Variants in EML6 observed in about 807,000 individuals in gnomAD.
EML6 encodes echinoderm microtubule-associated protein-like 6.
A neutral mutation model predicts 240.1 loss-of-function variants in EML6; 154 were observed. That is an observed-to-expected ratio of 0.64 (90% CI 0.56 to 0.73). The LOEUF is 0.73. Among genes scored for constraint, EML6 ranks in the 30% least tolerant of loss-of-function variants. EML6 has a pLI of 0.00. For synonymous variants in EML6, 1,148 were observed against 899.0 expected, an observed-to-expected ratio of 1.28 and a Z score of -4.95; for missense variants, 2,964 against 2,474.6, an observed-to-expected ratio of 1.20 and a Z score of -4.20.
chr2:54,932,404 GGGCTA>G (rs1674910266), intron 28 of EML6, among the ~76,000 whole-genome samples: 1 of 152,142 alleles, frequency 6.6e-6, no homozygotes, highest in Admixed American at 6.5e-5. Context: ...TGGGCACTCA[GGGCTA>G]CCCCACGCTG....
At chr2:54,784,145 T>C (rs1043551548) in intron 2 of EML6, among the ~76,000 whole-genome samples, 2 of 152,024 alleles carry the variant, frequency 1.3e-5, no homozygotes, top group Non-Finnish European at 2.9e-5. Flanking sequence ...GGGATCTTGC[T>C]ATGTTGCCCA....
At chr2:54,772,428 G>A (rs147608284) in intron 2 of EML6, among the ~76,000 whole-genome samples, 7 of 152,228 alleles carry the variant, frequency 4.6e-5, no homozygotes, top group African/African-American at 7.2e-5. Context: ...CATATGGAAC[G>A]GTGAAAATTA....
chr2:54,893,936 C>T (rs1388889866), intron 19 of EML6, among the ~76,000 whole-genome samples: 1 of 151,988 alleles, frequency 6.6e-6, no homozygotes, highest in Non-Finnish European at 1.5e-5. Context: ...TCTGTAGGCC[C>T]AGAAGTAGAT....
At chr2:54,889,597 G>A (rs1293860705) in intron 17 of EML6, among the ~76,000 whole-genome samples, 2 of 151,580 alleles carry the variant, frequency 1.3e-5, no homozygotes, top group Non-Finnish European at 2.9e-5. Context: ...ACCAGTCACT[G>A]TATATACAAA....
intron 18 of EML6, among the ~76,000 whole-genome samples, chr2:54,891,623 C>T (rs1027028011): frequency 1.3e-5 from 2 of 152,148 alleles, no homozygotes; most frequent in African/African-American, 4.8e-5. Flanking sequence ...AGTAAATAAG[C>T]ATGAGAAAAC....
intron 24 of EML6, among the ~76,000 whole-genome samples, chr2:54,907,882 TTAGATAGATTAGATAGATTAGATAGA>T (rs1673403135): frequency 6.7e-6 from 1 of 149,166 alleles, no homozygotes; most frequent in African/African-American, 2.5e-5. Flanking sequence ...GACAGATAGA[TTAGATAGATTAGATAGATTAGATAGA>T]TAGATAGATA....
chr2:54,879,208 T>G (rs1003235142), intron 16 of EML6, among the ~76,000 whole-genome samples: 1 of 152,224 alleles, frequency 6.6e-6, no homozygotes, highest in Non-Finnish European at 1.5e-5. Context: ...AGAGTCTCCC[T>G]CTAGCTCTGT....
chr2:54,726,405 T>C (rs926532802), intron 2 of EML6, among the ~76,000 whole-genome samples: 1 of 151,304 alleles, frequency 6.6e-6, no homozygotes, highest in Non-Finnish European at 1.5e-5. Context: ...AAAGATCAGC[T>C]TTTTTTTCCC....
chr2:54,823,878 T>TCTCTGTCTCTCTCTC (rs60937620), intron 5 of EML6, among the ~76,000 whole-genome samples: 1 of 129,124 alleles, frequency 7.7e-6, no homozygotes, highest in Non-Finnish European at 1.6e-5. Flanking sequence ...CTCTCTCTCT[T>TCTCTGTCTCTCTCTC]TCTGTCTCTC....
intron 3 of EML6, among the ~76,000 whole-genome samples, 171 bp downstream of exon 3, chr2:54,813,562 C>T (rs998919279): frequency 6.6e-6 from 1 of 152,190 alleles, no homozygotes; most frequent in Non-Finnish European, 1.5e-5. Flanking sequence ...GCACTAACAC[C>T]AAACTCTGGA....
At chr2:54,831,553 C>T (rs1312296206) in intron 7 of EML6, among the ~76,000 whole-genome samples, 2 of 152,124 alleles carry the variant, frequency 1.3e-5, no homozygotes, top group Non-Finnish European at 2.9e-5. Flanking sequence ...CCCATCCTTA[C>T]CAAGATCAAA....
At chr2:54,791,887 A>G (rs1291249192) in intron 2 of EML6, among the ~76,000 whole-genome samples, 1 of 152,056 alleles carries the variant, frequency 6.6e-6, no homozygotes, top group African/African-American at 2.4e-5. Flanking sequence ...GTGGGATGAG[A>G]TTTTACTTGA....
At chr2:54,727,522 T>C (rs1237647565) in intron 2 of EML6, among the ~76,000 whole-genome samples, 2 of 152,212 alleles carry the variant, frequency 1.3e-5, no homozygotes, top group Non-Finnish European at 2.9e-5. Context: ...CAATGCACAA[T>C]TTTTTGTCCT....
At chr2:54,814,880 T>A (rs1437682382) in intron 3 of EML6, among the ~76,000 whole-genome samples, 1 of 152,266 alleles carries the variant, frequency 6.6e-6, no homozygotes, top group African/African-American at 2.4e-5. Flanking sequence ...TTAGTCAGTT[T>A]AATGCATGCA....
intron 24 of EML6, among the ~76,000 whole-genome samples, chr2:54,910,015 AAAC>A (rs1387926575): frequency 3.3e-5 from 5 of 152,230 alleles, no homozygotes; most frequent in Non-Finnish European, 7.4e-5. Flanking sequence ...TTATGGGAAA[AAAC>A]AAAAGGAGAA....
At chr2:54,823,300 C>T (rs1012765657) in intron 5 of EML6, among the ~76,000 whole-genome samples, 7 of 151,970 alleles carry the variant, frequency 4.6e-5, no homozygotes, top group Admixed American at 6.6e-5. Context: ...TAGGAAGGGT[C>T]GGGAGGCAGA....
At chr2:54,844,977 A>T (rs1462322236) in intron 8 of EML6, among the ~76,000 whole-genome samples, 1 of 152,222 alleles carries the variant, frequency 6.6e-6, no homozygotes, top group East Asian at 1.9e-4. Flanking sequence ...CTCAATGACA[A>T]ACAGGCCAGA....
intron 6 of EML6, among the ~76,000 whole-genome samples, chr2:54,828,283 T>C (rs1374055602): frequency 6.6e-6 from 1 of 152,202 alleles, no homozygotes; most frequent in Non-Finnish European, 1.5e-5. Flanking sequence ...CAGAAACCAT[T>C]GATAACTACA....
Position 54,962,775 on chromosome 2 carries a change from C to T in EML6, c.5157+64C>T, listed in dbSNP as rs532217919. 62 of 1,326,998 alleles carry T rather than the reference C, an allele frequency of 4.7e-5. 1 individual carries two copies. The Admixed American group carries it at 1.1e-3, about 23-fold the overall frequency. 82.2% of individuals were successfully genotyped at this position (1,326,998 alleles called of 1,614,324 possible). A position where few individuals can be genotyped will look rare whatever the true frequency, so the allele number is the denominator to read the frequency against. ...GGGCTGCGCGGCAGTGGGAGCTGAG[C>T]GAGGAGAGGCCCAGCCAGCGTCATG... On this transcript the variant is annotated intron_variant, in intron 36 of 41. Transcript: ENST00000356458.
Sources: allele counts gnomAD v4.1 joint callset (sites outside exome capture counted in the v4.1 genomes callset), GRCh38; gene constraint gnomAD v4.1.1; transcripts MANE v1.5; gene names NCBI Gene and HGNC (gene_info 2026-07-23, HGNC 2026-07-21).